TAF1B: variants seen among roughly 807,000 people sequenced by gnomAD.
TAF1B encodes TATA box-binding protein-associated factor RNA polymerase I subunit B.
TAF1B carries 61 observed loss-of-function variants against 83.9 expected under a neutral mutation model. That is an observed-to-expected ratio of 0.73 (90% CI 0.59 to 0.90). The LOEUF is 0.90. Ranked by LOEUF, TAF1B falls within the 40% of genes least tolerant of loss-of-function variation. The pLI is 0.00. For missense variants in TAF1B, 625 were observed against 677.0 expected (o/e 0.92, Z 0.85); for synonymous variants, 221 against 224.6 (o/e 0.98, Z 0.14).
Position 9,900,666 on chromosome 2 carries a change from A to G in TAF1B, c.808-4193A>G, listed in dbSNP as rs938079132. Among the ~76,000 whole-genome samples the G allele has an allele frequency of 4.6e-5, 7 of 152,202 alleles. No homozygotes were observed. In the East Asian group the frequency reaches 7.7e-4, roughly 17 times the overall value. On this transcript the variant is annotated intron_variant, in intron 8 of 14. Transcript: ENST00000263663. ...GGTAGAGTTGTTAAAGTGATGAGAA[A>G]GACTATCACTGAAGACCAGGCTTGG...
At chr2:9,868,760 A>C in intron 6 of TAF1B, 3 of 494,814 alleles carry the variant, frequency 6.1e-6, no homozygotes, top group Middle Eastern at 6.3e-4. Flanking sequence ...GTAGCAGAAA[A>C]ATGTTATTAT....
chr2:9,859,829 A>G (rs1434958517), intron 5 of TAF1B, among the ~76,000 whole-genome samples: 1 of 152,126 alleles, frequency 6.6e-6, no homozygotes, highest in East Asian at 1.9e-4. Context: ...CACATTTTCC[A>G]GTATCTTTAT....
intron 11 of TAF1B, 82 bp from the exon 12 acceptor site, chr2:9,913,077 A>G: frequency 2.7e-5 from 32 of 1,194,256 alleles, no homozygotes; most frequent in Non-Finnish European, 3.6e-5. Flanking sequence ...AGTGCAGTCA[A>G]TTAATGAAAA....
intron 8 of TAF1B, among the ~76,000 whole-genome samples, chr2:9,897,891 T>C (rs548655005): frequency 6.6e-6 from 1 of 152,084 alleles, no homozygotes; most frequent in East Asian, 1.9e-4. Context: ...AATGATCAGG[T>C]TCCCTCATTT....
At chr2:9,894,107 C>T (rs994442784) in intron 8 of TAF1B, among the ~76,000 whole-genome samples, 11 of 151,964 alleles carry the variant, frequency 7.2e-5, no homozygotes, top group African/African-American at 2.7e-4. Flanking sequence ...GCATAAAGAC[C>T]GTATTTAATG....
At chr2:9,896,342 T>C (rs1313266320) in intron 8 of TAF1B, among the ~76,000 whole-genome samples, 1 of 152,170 alleles carries the variant, frequency 6.6e-6, no homozygotes, top group Admixed American at 6.5e-5. Context: ...CATTCACTAT[T>C]CTATAGTATG....
intron 8 of TAF1B, among the ~76,000 whole-genome samples, chr2:9,888,789 G>GTTT (rs1558251667): frequency 1.2e-4 from 5 of 41,326 alleles, no homozygotes; most frequent in African/African-American, 3.3e-4. Context: ...TCTTCTGCTT[G>GTTT]GTTTTTTTTT....
intron 6 of TAF1B, among the ~76,000 whole-genome samples, chr2:9,869,132 C>A (rs1431757260): frequency 6.6e-6 from 1 of 152,166 alleles, no homozygotes; most frequent in African/African-American, 2.4e-5. Flanking sequence ...AACCATCGAA[C>A]CTTTTTGAAA....
chr2:9,871,863 T>C (rs1664177194), intron 6 of TAF1B, among the ~76,000 whole-genome samples: 1 of 152,116 alleles, frequency 6.6e-6, no homozygotes, highest in Non-Finnish European at 1.5e-5. Flanking sequence ...TGGGGGATTG[T>C]TTTAGTATTC....
intron 5 of TAF1B, among the ~76,000 whole-genome samples, chr2:9,859,355 CCTGGACTTCATTGTCCAT>C (rs1322680946): frequency 6.6e-6 from 1 of 151,540 alleles, no homozygotes; most frequent in African/African-American, 2.4e-5. Flanking sequence ...ACCACTTCAG[CCTGGACTTCATTGTCCAT>C]ATCACTATCA....
chr2:9,932,794 G>A lies in TAF1B; in HGVS notation c.1566-989G>A, dbSNP rs867948387. 2.0e-5 allele frequency among the ~76,000 whole-genome samples: 3 copies of A among 152,354 alleles called. No homozygotes were observed. In the South Asian group the frequency reaches 6.2e-4, roughly 32 times the overall value. On this transcript the variant is annotated intron_variant, in intron 14 of 14. Transcript: ENST00000263663. ...GCCCCCAGAGGTGTAGTTTACAGAG[G>A]CAGCAGGCCTTGCTGAGCTGCAGTG...
Position 9,876,011 on chromosome 2 carries a change from C to T in TAF1B, c.700C>T (p.Leu234Phe). Residue 234 changes from leucine to phenylalanine, a missense_variant, in exon 7 of 15, where the codon CTT becomes TTT. Transcript: ENST00000263663. ...GAGAGAAGCAATAACACTTTCAGAT[C>T]TTTTGAGGTTAGCTAGACCTCTTGT... ...WQREAITLSD[L>F]LRFVEEDHIP... 1 of 1,607,612 alleles carries T rather than the reference C, an allele frequency of 6.2e-7. No individual in the cohort carries two copies. The highest frequency in any genetic ancestry group is 8.5e-7 in the Non-Finnish European group (1 of 1,174,930).
chr2:9,928,968 C>T (rs577548135), intron 14 of TAF1B, among the ~76,000 whole-genome samples: 279 of 152,270 alleles, frequency 1.8e-3, no homozygotes, highest in Non-Finnish European at 3.5e-3. Context: ...CCAGTTTTTG[C>T]CCATTCAGTA....
intron 6 of TAF1B, among the ~76,000 whole-genome samples, chr2:9,871,209 A>C (rs1401525312): frequency 1.3e-5 from 2 of 152,056 alleles, no homozygotes; most frequent in African/African-American, 2.4e-5. Flanking sequence ...CTTCCCGAGT[A>C]GCTGGGACTA....
intron 8 of TAF1B, among the ~76,000 whole-genome samples, chr2:9,884,568 G>A (rs1664613469): frequency 6.6e-6 from 1 of 152,210 alleles, no homozygotes; most frequent in Non-Finnish European, 1.5e-5. Flanking sequence ...GTATCCTGAT[G>A]AGCGTTCAGC....
At chr2:9,916,837 C>CTT (rs371475463) in intron 12 of TAF1B, among the ~76,000 whole-genome samples, 3 of 95,736 alleles carry the variant, frequency 3.1e-5, no homozygotes, top group Non-Finnish European at 4.5e-5. Context: ...CCTTTCTGTT[C>CTT]TTTTTTTTTT....
At chr2:9,857,988 T>C (rs1054157867) in intron 5 of TAF1B, among the ~76,000 whole-genome samples, 1 of 152,162 alleles carries the variant, frequency 6.6e-6, no homozygotes. Flanking sequence ...CCTTCTCACA[T>C]TGCAAAATCA....
chr2:9,852,280 C>A (rs774243798), intron 4 of TAF1B, among the ~76,000 whole-genome samples: 25 of 152,154 alleles, frequency 1.6e-4, no homozygotes, highest in Non-Finnish European at 5.9e-5. Flanking sequence ...TGGAGCAACA[C>A]AGTATTTCTG....
chr2:9,911,628 G>T, intron 11 of TAF1B, 71 bp downstream of exon 11: 2 of 1,115,466 alleles, frequency 1.8e-6, no homozygotes, highest in East Asian at 2.7e-5. Flanking sequence ...AATAAATGTA[G>T]GCAAACAACT....
Sources: allele counts gnomAD v4.1 joint callset (sites outside exome capture counted in the v4.1 genomes callset), GRCh38; gene constraint gnomAD v4.1.1; transcripts MANE v1.5; gene names NCBI Gene and HGNC (gene_info 2026-07-23, HGNC 2026-07-21).